FILIP1L: variants seen among roughly 807,000 people sequenced by gnomAD.
The protein encoded by FILIP1L is filamin A-interacting protein 1-like.
In FILIP1L, 55 loss-of-function variants were observed where a neutral mutation model predicts 96.6. The ratio of observed to expected loss-of-function variants is 0.57; its 90% CI spans 0.46 to 0.71. The LOEUF is 0.71. Ranked by LOEUF, FILIP1L falls within the 30% of genes least tolerant of loss-of-function variation. FILIP1L has a pLI of 0.00. For missense variants in FILIP1L, 1,304 were observed against 1,321.2 expected, an observed-to-expected ratio of 0.99 and a Z score of 0.20; for synonymous variants, 467 against 473.9, an observed-to-expected ratio of 0.99 and a Z score of 0.19.
intron 1 of FILIP1L, among the ~76,000 whole-genome samples, chr3:100,043,838 A>G (rs2065241949): frequency 2.0e-5 from 3 of 152,174 alleles, no homozygotes; most frequent in African/African-American, 4.8e-5. Context: ...CCTTTTAGCA[A>G]TTTTGAAATA....
intron 1 of FILIP1L, among the ~76,000 whole-genome samples, chr3:100,069,389 G>A (rs1206061951): frequency 6.6e-6 from 1 of 152,068 alleles, no homozygotes; most frequent in African/African-American, 2.4e-5. Flanking sequence ...CCAGCCATTA[G>A]CTGCCCACAT....
intron 3 of FILIP1L, among the ~76,000 whole-genome samples, chr3:99,928,501 G>A (rs775596413): frequency 1.1e-4 from 16 of 152,154 alleles, no homozygotes; most frequent in Non-Finnish European, 1.5e-4. Flanking sequence ...CAGATTATGG[G>A]TAACTTTCAG....
chr3:99,865,164 C>T (rs141150522), intron 4 of FILIP1L, among the ~76,000 whole-genome samples: 7 of 152,162 alleles, frequency 4.6e-5, no homozygotes, highest in African/African-American at 7.2e-5. Flanking sequence ...TGCCATGTAC[C>T]GTGTTAGTCC....
intron 1 of FILIP1L, among the ~76,000 whole-genome samples, chr3:99,983,375 AAAATAAAT>A (rs201845792): frequency 7.8e-5 from 4 of 51,254 alleles, no homozygotes; most frequent in East Asian, 5.9e-4. Context: ...CTCTACTTAA[AAAATAAAT>A]AAATAAATAT....
At chr3:99,881,325 T>C (rs1705719338) in intron 4 of FILIP1L, among the ~76,000 whole-genome samples, 1 of 152,212 alleles carries the variant, frequency 6.6e-6, no homozygotes, top group African/African-American at 2.4e-5. Context: ...TTGTGTTTCC[T>C]TGGTAACTAA....
intron 1 of FILIP1L, among the ~76,000 whole-genome samples, chr3:99,989,075 T>C (rs1709437684): frequency 6.6e-6 from 1 of 152,224 alleles, no homozygotes; most frequent in Admixed American, 6.5e-5. Flanking sequence ...TTACTTAGCA[T>C]TTGTTTTGTG....
At chr3:99,835,542 T>C (rs902016968) in intron 5 of FILIP1L, among the ~76,000 whole-genome samples, 1 of 152,228 alleles carries the variant, frequency 6.6e-6, no homozygotes, top group Non-Finnish European at 1.5e-5. Context: ...ACCATGGTTC[T>C]TAAATTTTAT....
chr3:100,071,630 TC>T (rs1399581713), intron 1 of FILIP1L, among the ~76,000 whole-genome samples: 2 of 152,208 alleles, frequency 1.3e-5, no homozygotes, highest in African/African-American at 4.8e-5. Context: ...GAAGTCAACT[TC>T]TGGACACATC....
chr3:99,932,845 C>T (rs895009646), intron 1 of FILIP1L, among the ~76,000 whole-genome samples: 5 of 152,116 alleles, frequency 3.3e-5, no homozygotes, highest in Admixed American at 1.3e-4. Flanking sequence ...GAGCCAAGAT[C>T]GCGCCCGGCA....
At chr3:100,077,408 A>C (rs2065866868) in intron 1 of FILIP1L, among the ~76,000 whole-genome samples, 1 of 152,238 alleles carries the variant, frequency 6.6e-6, no homozygotes. Flanking sequence ...GTTTAAAAAT[A>C]AGAGTAGTTA....
At chr3:99,950,057 G>A (rs1036979133) in intron 1 of FILIP1L, among the ~76,000 whole-genome samples, 9 of 152,080 alleles carry the variant, frequency 5.9e-5, no homozygotes, top group Non-Finnish European at 1.0e-4. Context: ...AGGAGGATTG[G>A]GGACAAGGTC....
intron 3 of FILIP1L, 53 bp from the exon 4 acceptor site, chr3:99,924,461 C>G (rs1707225771): frequency 1.3e-6 from 2 of 1,507,932 alleles, no homozygotes; most frequent in Admixed American, 3.7e-5. Context: ...ATACTGTTGT[C>G]TTTCACTCTT....
intron 1 of FILIP1L, among the ~76,000 whole-genome samples, chr3:100,032,209 T>G (rs2065033499): frequency 6.6e-6 from 1 of 152,134 alleles, no homozygotes; most frequent in Non-Finnish European, 1.5e-5. Context: ...GTAGAGGAAA[T>G]TATTGATATG....
chr3:100,109,725 G>T (rs1220144641), intron 1 of FILIP1L, among the ~76,000 whole-genome samples: 1 of 152,118 alleles, frequency 6.6e-6, no homozygotes, highest in Admixed American at 6.6e-5. Context: ...CCAATTGAAG[G>T]GGTTGTTTCC....
chr3:99,990,671 GCCT>G (rs201457880), intron 1 of FILIP1L, among the ~76,000 whole-genome samples: 5,874 of 152,064 alleles, frequency 0.039, 147 homozygotes, highest in Non-Finnish European at 0.062. Context: ...TCATTCCAAA[GCCT>G]CCTGGTATAA....
intron 4 of FILIP1L, among the ~76,000 whole-genome samples, chr3:99,893,999 G>A (rs762763607): frequency 1.2e-4 from 18 of 152,158 alleles, no homozygotes; most frequent in Admixed American, 2.0e-4. Context: ...GCTATGTTAA[G>A]TGAGATACAT....
chr3:100,038,513 G>A (rs1191342236), intron 1 of FILIP1L, among the ~76,000 whole-genome samples: 1 of 152,034 alleles, frequency 6.6e-6, no homozygotes, highest in East Asian at 1.9e-4. Flanking sequence ...TTGACTGTTC[G>A]GTTTAATTTC....
rs150246297 is a variant in FILIP1L at position 99,994,819 on chromosome 3, A to G, written c.-10-63789T>C. ...AAAAGCAGAAACTCCTGATAAAACC[A>G]TCAGATCTCATGAGACTTATTCACT... On this transcript the variant is annotated intron_variant, in intron 1 of 5. Transcript: ENST00000477258. Among the ~76,000 whole-genome samples the G allele has an allele frequency of 2.4e-3, 364 of 152,298 alleles. 1 individual carries two copies. Among genetic ancestry groups the G allele is most frequent in the African/African-American group, 8.2e-3 (343 of 41,576 alleles).
chr3:100,011,226 G>C (rs983667531), intron 1 of FILIP1L, among the ~76,000 whole-genome samples: 2 of 152,094 alleles, frequency 1.3e-5, no homozygotes, highest in Non-Finnish European at 2.9e-5. Context: ...TAAAAGTGAG[G>C]TAGGTTATGA....
Sources: allele counts gnomAD v4.1 joint callset (sites outside exome capture counted in the v4.1 genomes callset), GRCh38; gene constraint gnomAD v4.1.1; transcripts MANE v1.5; gene names NCBI Gene and HGNC (gene_info 2026-07-23, HGNC 2026-07-21).